TSC22D1: variants seen among roughly 807,000 people sequenced by gnomAD.
TSC22D1 encodes TSC22 domain family protein 1.
A neutral mutation model predicts 74.2 loss-of-function variants in TSC22D1; 9 were observed. The ratio of observed to expected loss-of-function variants is 0.12; its 90% CI spans 0.07 to 0.21. TSC22D1 has a LOEUF of 0.21. Among genes scored for constraint, TSC22D1 ranks in the 10% least tolerant of loss-of-function variants. TSC22D1 has a pLI of 1.00. For synonymous variants in TSC22D1, 586 were observed against 492.5 expected, an observed-to-expected ratio of 1.19 and a Z score of -2.51; for missense variants, 1,427 against 1,304.7, an observed-to-expected ratio of 1.09 and a Z score of -1.44.
intron 1 of TSC22D1, among the ~76,000 whole-genome samples, chr13:44,494,196 T>C: frequency 6.6e-6 from 1 of 151,630 alleles, no homozygotes; most frequent in East Asian, 1.9e-4. Context: ...GCCAACATGT[T>C]GAAACCCTGT....
At chr13:44,561,953 C>G (rs1360334486) in intron 1 of TSC22D1, among the ~76,000 whole-genome samples, 1 of 152,134 alleles carries the variant, frequency 6.6e-6, no homozygotes, top group East Asian at 1.9e-4. Flanking sequence ...GAGCTATGCA[C>G]ATACTTATTA....
intron 1 of TSC22D1, among the ~76,000 whole-genome samples, chr13:44,571,742 A>C (rs1056543414): frequency 4.6e-5 from 7 of 152,180 alleles, no homozygotes; most frequent in African/African-American, 1.7e-4. Flanking sequence ...CTACCTCCTA[A>C]AAGTTTATCT....
Position 44,434,403 on chromosome 13 carries a change from C to G in TSC22D1, c.*223G>C. 7.3e-7 allele frequency: 1 copy of G among 1,363,344 alleles called. No individual in the cohort carries two copies. The highest frequency in any genetic ancestry group is 9.4e-7 in the Non-Finnish European group (1 of 1,066,806). 84.5% of individuals were successfully genotyped at this position (1,363,344 alleles called of 1,614,324 possible). Reference sequence around the variant, plus strand: ...TGCATGAGGTCCCGGTATATCCATGCTAATTCTCGGATTAACCTTTAATTC... The same window carrying G: ...TGCATGAGGTCCCGGTATATCCATGGTAATTCTCGGATTAACCTTTAATTC... On this transcript the variant is annotated 3_prime_UTR_variant, in exon 3 of 3. Coordinates refer to ENST00000458659, the MANE Select transcript of TSC22D1 (RefSeq NM_183422.4).
intron 1 of TSC22D1, among the ~76,000 whole-genome samples, chr13:44,437,865 G>A (rs1333309349): frequency 1.3e-5 from 2 of 152,268 alleles, no homozygotes; most frequent in East Asian, 1.9e-4. Flanking sequence ...AGAAAAGGGA[G>A]GATATAATGG....
upstream of TSC22D1, chr13:44,577,251 G>A (rs1884310758): frequency 6.6e-6 from 1 of 152,554 alleles, no homozygotes; most frequent in Non-Finnish European, 1.5e-5. Flanking sequence ...GGCGGGGAGG[G>A]GGCTGTGGTG....
rs1595182341 is a variant in TSC22D1, at chr13:44,574,132, A to G, written c.1943T>C (p.Val648Ala). ...ATACTCTGAAGCAGGATTTTGAGTCACTGATTTGACATGGCCTGGGGCCAT... is the reference window on the plus strand; with the variant it reads ...ATACTCTGAAGCAGGATTTTGAGTCGCTGATTTGACATGGCCTGGGGCCAT... ...TQMAPGHVKS[V>A]TQNPASEYVQ... The change falls in exon 1 of 3, where the codon GTG becomes GCG. Residue 648 changes from valine (V) to alanine (A), a missense_variant. By Grantham distance (64) the Val-to-Ala change is moderately conservative. Around this residue, in one of 3 missense-constraint regions of TSC22D1, gnomAD observed 1,343 missense variants for 1,191.5 expected, o/e 1.13. Coordinates refer to ENST00000458659, the MANE Select transcript of TSC22D1 (RefSeq NM_183422.4). The G allele has an allele frequency of 3.7e-6, 6 of 1,614,246 alleles. No individual in the cohort carries two copies. The highest frequency in any genetic ancestry group is 2.7e-5 in the African/African-American group (2 of 75,080).
intron 1 of TSC22D1, among the ~76,000 whole-genome samples, chr13:44,548,603 T>C (rs998360260): frequency 1.3e-5 from 2 of 152,152 alleles, no homozygotes; most frequent in Non-Finnish European, 2.9e-5. Context: ...AGTAAAACTA[T>C]GTAAAAATAT....
chr13:44,512,344 T>C (rs2138013919), intron 1 of TSC22D1, among the ~76,000 whole-genome samples: 1 of 151,808 alleles, frequency 6.6e-6, no homozygotes, highest in Non-Finnish European at 1.5e-5. Context: ...TAATTTTTTG[T>C]ATTTTTAGTA....
At chr13:44,508,367 C>T (rs560969070) in intron 1 of TSC22D1, among the ~76,000 whole-genome samples, 13 of 152,182 alleles carry the variant, frequency 8.5e-5, no homozygotes, top group South Asian at 6.2e-4. Flanking sequence ...CACATGGTTC[C>T]GATGTTCATA....
At chr13:44,517,857 A>ATATATATTTTTTTTTT (rs10627677) in intron 1 of TSC22D1, among the ~76,000 whole-genome samples, 3 of 16,170 alleles carry the variant, frequency 1.9e-4, no homozygotes, top group Non-Finnish European at 2.8e-4. Context: ...ATATATATAT[A>ATATATATTTTTTTTTT]TTTTTTTTTT....
intron 1 of TSC22D1, among the ~76,000 whole-genome samples, chr13:44,522,089 G>A (rs1464832360): frequency 1.3e-5 from 2 of 152,146 alleles, no homozygotes; most frequent in African/African-American, 4.8e-5. Context: ...TAAAAGTCAA[G>A]GAAGAGAACT....
At chr13:44,492,048 A>G (rs147553026) in intron 1 of TSC22D1, among the ~76,000 whole-genome samples, 110 of 152,306 alleles carry the variant, frequency 7.2e-4, no homozygotes, top group South Asian at 2.1e-3. Context: ...TCAAGTAGAG[A>G]GCAGATCAAT....
At chr13:44,477,873 C>T (rs181499470) in intron 1 of TSC22D1, among the ~76,000 whole-genome samples, 1 of 152,098 alleles carries the variant, frequency 6.6e-6, no homozygotes, top group East Asian at 1.9e-4. Context: ...AAACTCCTGA[C>T]CTAGTGATCT....
At chr13:44,567,289 C>T (rs918133500) in intron 1 of TSC22D1, among the ~76,000 whole-genome samples, 1 of 152,168 alleles carries the variant, frequency 6.6e-6, no homozygotes, top group African/African-American at 2.4e-5. Context: ...AAGAAACCGA[C>T]ACTAGAAGTC....
Position 44,467,327 on chromosome 13 carries a change from A to G in TSC22D1, c.2913-31232T>C, listed in dbSNP as rs139892559. The stretch of plus-strand genomic sequence containing the variant: ...AGAAAACCCAGGACACACTTTCTGG[A>G]CACTAGCCTTAGCAAATAATTTATC... On this transcript the variant is annotated intron_variant, in intron 1 of 2. Coordinates refer to ENST00000458659, the MANE Select transcript of TSC22D1 (RefSeq NM_183422.4). Among the ~76,000 whole-genome samples, 199 of 152,326 alleles carry G rather than the reference A, an allele frequency of 1.3e-3. 2 individuals carry two copies. The South Asian group carries it at 0.015, about 12-fold the overall frequency.
chr13:44,480,298 A>T (rs1029786529), intron 1 of TSC22D1, among the ~76,000 whole-genome samples: 1 of 152,118 alleles, frequency 6.6e-6, no homozygotes, highest in Non-Finnish European at 1.5e-5. Context: ...TGGTTTTGGC[A>T]TTTTTTTAAG....
Position 44,573,183 on chromosome 13 carries a change from C to A in TSC22D1, c.2892G>T (p.Leu964=). 1.2e-6 allele frequency: 2 copies of A among 1,614,054 alleles called. No individual in the cohort carries two copies. Among genetic ancestry groups the A allele is most frequent in the Non-Finnish European group, 1.7e-6 (2 of 1,179,968 alleles). The change falls in exon 1 of 3, where the codon CTG becomes CTT. Residue 964 remains leucine (L), a synonymous_variant. Transcript: ENST00000458659. ...PLKVLPLTTP[L]VDGEDESSSG... The stretch of plus-strand genomic sequence containing the variant: ...CTTACCTCTCATCCTCGCCATCCAC[C>A]AGGGGTGTCGTCAGCGGTAGCACCT...
At chr13:44,546,969 C>T (rs181255394) in intron 1 of TSC22D1, among the ~76,000 whole-genome samples, 230 of 152,056 alleles carry the variant, frequency 1.5e-3, no homozygotes, top group African/African-American at 4.8e-3. Context: ...ATCATGTTGC[C>T]CAGGCTGGTC....
At chr13:44,531,672 C>A (rs1413824276) in intron 1 of TSC22D1, among the ~76,000 whole-genome samples, 1 of 152,154 alleles carries the variant, frequency 6.6e-6, no homozygotes, top group Non-Finnish European at 1.5e-5. Flanking sequence ...TATCTATACC[C>A]TTAGATGTAC....
Sources: allele counts gnomAD v4.1 joint callset (sites outside exome capture counted in the v4.1 genomes callset), GRCh38; gene constraint gnomAD v4.1.1; regional missense constraint gnomAD v4.1.1; transcripts MANE v1.5; gene names NCBI Gene and HGNC (gene_info 2026-07-23, HGNC 2026-07-21).